PAX6: variants seen among roughly 807,000 people sequenced by gnomAD.
The protein encoded by PAX6 is paired box protein Pax-6.
A neutral mutation model predicts 60.7 loss-of-function variants in PAX6; 7 were observed. The ratio of observed to expected loss-of-function variants is 0.12; its 90% CI spans 0.07 to 0.22. PAX6 has a LOEUF of 0.22. PAX6 is among the 10% of genes least tolerant of loss of function. The probability of loss-of-function intolerance (pLI) is 1.00; values close to 1 mark genes in which losing one functional copy is unlikely to be tolerated. For missense variants in PAX6, 355 were observed against 555.2 expected (o/e 0.64, Z 3.62); for synonymous variants, 208 against 201.2 (o/e 1.03, Z -0.29).
intron 13 of PAX6, 104 bp from the exon 14 acceptor site, chr11:31,790,123 A>AC (rs2134402729): frequency 2.8e-6 from 2 of 724,194 alleles, no homozygotes; most frequent in Non-Finnish European, 4.6e-6. Flanking sequence ...AAAAAAAACT[A>AC]ATACTTTCTA....
chr11:31,813,656 G>A (rs188997486), upstream of PAX6, among the ~76,000 whole-genome samples: 30 of 152,224 alleles, frequency 2.0e-4, no homozygotes, highest in South Asian at 2.3e-3. Flanking sequence ...GACGTCATTG[G>A]GTGGGGAAGG....
At chr11:31,790,661 T>C in intron 13 of PAX6, 49 bp downstream of exon 13, 1 of 1,612,696 alleles carries the variant, frequency 6.2e-7, no homozygotes, top group East Asian at 2.2e-5. Flanking sequence ...GGTAAACTTC[T>C]AGTGAAGAGA....
chr11:31,792,934 C>A, intron 12 of PAX6: 1 of 346,998 alleles, frequency 2.9e-6, no homozygotes, highest in Non-Finnish European at 5.4e-6. Context: ...TTATGTATAT[C>A]TCACCATGTA....
chr11:31,798,831 C>G (rs1020133307), intron 8 of PAX6, among the ~76,000 whole-genome samples: 1 of 152,228 alleles, frequency 6.6e-6, no homozygotes, highest in Non-Finnish European at 1.5e-5. Context: ...GAAAATCCGC[C>G]CGAATCGGGC....
Position 31,793,851 on chromosome 11 carries a change from C to A in PAX6, c.808-49G>T, listed in dbSNP as rs796753250. On this transcript the variant is annotated intron_variant, in intron 10 of 13. Coordinates refer to ENST00000640368, the MANE Select transcript of PAX6 (RefSeq NM_001368894.2). ...AGCACTGTGTCTACGTCGAGCCCAG[C>A]CCCACCTTGGCACCTCCACTGCTGC... 8 of 1,610,684 alleles carry A rather than the reference C, an allele frequency of 5.0e-6. No individual in the cohort carries two copies. The African/African-American group carries it at 8.0e-5, about 16-fold the overall frequency.
chr11:31,802,761 C>G lies in PAX6; in HGVS notation c.84G>C (p.Lys28Asn). 1 of 1,614,138 alleles carries G rather than the reference C, an allele frequency of 6.2e-7. No homozygotes were observed. The highest frequency in any genetic ancestry group is 8.5e-7 in the Non-Finnish European group (1 of 1,180,024). Residue 28 changes from lysine (K) to asparagine (N), a missense_variant, in exon 5 of 14, where the codon AAG (lysine) becomes AAC (asparagine). Around this residue, in one of 5 missense-constraint regions of PAX6, gnomAD observed 41 missense variants for 77.1 expected, o/e 0.53. Coordinates refer to ENST00000640368, the MANE Select transcript of PAX6 (RefSeq NM_001368894.2). ...CCCCGCTGTGAGCTAGCTCTACAAT[C>G]TTCTGCCGGGTGGAGTCCGGCAGTG... ...GRPLPDSTRQ[K>N]IVELAHSGAR... is the part of the protein sequence containing the mutation.
chr11:31,796,511 G>A (rs1037402178), intron 8 of PAX6, among the ~76,000 whole-genome samples: 2 of 150,414 alleles, frequency 1.3e-5, no homozygotes, highest in Non-Finnish European at 3.0e-5. Context: ...CCCAGCATGG[G>A]GGGAGGCAGG....
At chr11:31,798,924 C>T (rs1952607171) in intron 8 of PAX6, among the ~76,000 whole-genome samples, 1 of 152,202 alleles carries the variant, frequency 6.6e-6, no homozygotes, top group African/African-American at 2.4e-5. Context: ...GCCCCAAGCT[C>T]ATGGGAGCCC....
upstream of PAX6, among the ~76,000 whole-genome samples, chr11:31,813,390 G>A (rs1340061148): frequency 7.5e-5 from 3 of 39,838 alleles, no homozygotes; most frequent in Admixed American, 2.4e-4. Context: ...GCGGGGGGGC[G>A]GGGGGGGGGG....
intron 5 of PAX6, chr11:31,802,345 C>T: frequency 3.1e-6 from 1 of 317,586 alleles, no homozygotes; most frequent in Non-Finnish European, 5.8e-6. Context: ...CTGGGGAGAG[C>T]AGAATGAAAT....
chr11:31,801,023 G>A, intron 7 of PAX6, 167 bp from the exon 8 acceptor site: 1 of 814,206 alleles, frequency 1.2e-6, no homozygotes, highest in East Asian at 2.7e-5. Flanking sequence ...AAAAATGATA[G>A]CTATCACTTT....
chr11:31,791,806 GGATA>G (rs1950056755), intron 12 of PAX6: 1 of 152,176 alleles, frequency 6.6e-6, no homozygotes, highest in South Asian at 2.1e-4. Flanking sequence ...ATGAATAAAT[GGATA>G]GACAATCGGG....
intron 9 of PAX6, 144 bp downstream of exon 9, chr11:31,794,486 G>T: frequency 2.8e-6 from 2 of 710,794 alleles, no homozygotes; most frequent in African/African-American, 1.9e-5. Flanking sequence ...ACACTGAAAA[G>T]ATGCCCAGAG....
chr11:31,806,097 G>A lies in PAX6; in HGVS notation c.10+305C>T, dbSNP rs12278087. ...CTCTCCGGGGTCAGAGCCCGGGCAGGGGCGAGAGGGGGTGTGAGTTACAGG... is the reference window on the plus strand; with the variant it reads ...CTCTCCGGGGTCAGAGCCCGGGCAGAGGCGAGAGGGGGTGTGAGTTACAGG... On this transcript the variant is annotated intron_variant, in intron 4 of 13. Coordinates refer to ENST00000640368, the MANE Select transcript of PAX6 (RefSeq NM_001368894.2). 4,515 of 438,406 alleles carry A rather than the reference G, an allele frequency of 0.01. 198 individuals carry two copies. Among genetic ancestry groups the A allele is most frequent in the African/African-American group, 0.083 (4,007 of 48,012 alleles). The allele number at this position is 438,406 out of a possible 1,614,324, so 27.2% of individuals were successfully genotyped here. A position where few individuals can be genotyped will look rare whatever the true frequency, so the allele number is the denominator to read the frequency against.
At chr11:31,808,705 G>A (rs151189386) in intron 2 of PAX6, 2 of 152,336 alleles carry the variant, frequency 1.3e-5, no homozygotes, top group East Asian at 1.9e-4. Context: ...AAGCAGCTGG[G>A]AAGGTGGTAG....
chr11:31,817,095 C>T (rs1283919296), intron 1 of PAX6, among the ~76,000 whole-genome samples: 2 of 152,252 alleles, frequency 1.3e-5, no homozygotes, highest in East Asian at 1.9e-4. Context: ...CCATGGCGCC[C>T]GCGCGCTTCC....
At position 31,816,582 on chromosome 11, in the gene PAX6, C is replaced by T. The variant is rs1434404321; in HGVS notation, c.-317+1227G>A. On this transcript the variant is annotated intron_variant, in intron 1 of 12. Coordinates refer to the PAX6 transcript ENST00000241001. ...CCACTTCCCACTGCGAAGCAGGCGA[C>T]CTGCTCGCCGCCCAGCTCCAGGGAG... 1.6e-5 allele frequency: 11 copies of T among 702,616 alleles called. No homozygotes were observed. The South Asian group carries it at 1.6e-4, about 10-fold the overall frequency. The allele number at this position is 702,616 out of a possible 1,614,324, so 43.5% of individuals were successfully genotyped here.
intron 4 of PAX6, chr11:31,806,009 A>C: frequency 4.3e-6 from 1 of 232,546 alleles, no homozygotes. Flanking sequence ...GCTAAGCCCA[A>C]AGGGGCCTCC....
rs779388577 is a variant in PAX6, at chr11:31,789,715, T to C, written c.*219A>G. The C allele has an allele frequency of 1.4e-6, 1 of 704,074 alleles. No individual in the cohort carries two copies. The highest frequency in any genetic ancestry group is 1.5e-5 in the South Asian group (1 of 67,290). The allele number at this position is 704,074 out of a possible 1,614,324, so 43.6% of individuals were successfully genotyped here. On this transcript the variant is annotated 3_prime_UTR_variant, in exon 14 of 14. Transcript: ENST00000640368. ...ATGAATAAAAGTTTGGATACCAAAA[T>C]GAAGATTTGTTCCAACTGATATCGT...
Sources: gnomAD v4.1 joint callset for allele counts (sites outside exome capture counted in the v4.1 genomes callset) on GRCh38, gnomAD v4.1.1 for gene constraint, gnomAD v4.1.1 regional missense constraint, MANE v1.5 for transcripts, NCBI Gene and HGNC (gene_info 2026-07-23, HGNC 2026-07-21) for gene names.